The following B3GALT1 variants were observed in gnomAD, a reference collection of about 807,000 sequenced individuals.
The protein encoded by B3GALT1 is UDP-Gal:betaGlcNAc beta 1,3-galactosyltransferase, polypeptide 1.
A neutral mutation model predicts 23.2 loss-of-function variants in B3GALT1; 10 were observed. The observed-to-expected ratio is 0.43, with a 90% CI of 0.27 to 0.73. The LOEUF is 0.73. Ranked by LOEUF, B3GALT1 falls within the 30% of genes least tolerant of loss-of-function variation. The pLI is 0.21. For missense variants in B3GALT1, 299 were observed against 405.4 expected, an observed-to-expected ratio of 0.74 and a Z score of 2.25; for synonymous variants, 156 against 141.5, an observed-to-expected ratio of 1.10 and a Z score of -0.73.
chr2:167,344,056 T>C (rs772193030), intron 1 of B3GALT1, among the ~76,000 whole-genome samples: 2 of 152,156 alleles, frequency 1.3e-5, no homozygotes, highest in Admixed American at 6.5e-5. Context: ...CTTATTTCCA[T>C]CTCTTTCTTT....
intron 1 of B3GALT1, among the ~76,000 whole-genome samples, chr2:167,484,798 G>A (rs937490184): frequency 1.3e-5 from 2 of 152,074 alleles, no homozygotes; most frequent in Non-Finnish European, 2.9e-5. Context: ...AAGGGAAGGG[G>A]ATTCTCTACA....
At chr2:167,600,092 C>T (rs1684848715) in intron 2 of B3GALT1, among the ~76,000 whole-genome samples, 1 of 152,078 alleles carries the variant, frequency 6.6e-6, no homozygotes, top group African/African-American at 2.4e-5. Context: ...CTGATGGAGA[C>T]AGCCCATTCA....
intron 1 of B3GALT1, among the ~76,000 whole-genome samples, chr2:167,413,127 G>A (rs114707426): frequency 0.02 from 3,103 of 152,106 alleles, 53 homozygotes; most frequent in South Asian, 0.073. Context: ...CTTTGTGAAC[G>A]TTAATTGGGT....
At chr2:167,379,210 A>G (rs1291784072) in intron 1 of B3GALT1, among the ~76,000 whole-genome samples, 2 of 152,112 alleles carry the variant, frequency 1.3e-5, no homozygotes, top group Non-Finnish European at 2.9e-5. Flanking sequence ...CTAAACACCT[A>G]TAAAACCATC....
intron 1 of B3GALT1, among the ~76,000 whole-genome samples, chr2:167,319,461 C>T (rs1696770957): frequency 6.6e-6 from 1 of 151,968 alleles, no homozygotes; most frequent in Non-Finnish European, 1.5e-5. Context: ...AATACCTATG[C>T]AAACACAGAA....
At chr2:167,507,504 CAAAAAAAAAAAAAA>C (rs60408245) in intron 2 of B3GALT1, among the ~76,000 whole-genome samples, 1 of 26,636 alleles carries the variant, frequency 3.8e-5, no homozygotes, top group African/African-American at 8.4e-5. Flanking sequence ...GACTCCGTCT[CAAAAAAAAAAAAAA>C]AAAAAAAAAA....
chr2:167,713,915 G>A (rs1687102444), intron 3 of B3GALT1: 3 of 1,578,886 alleles, frequency 1.9e-6, no homozygotes, highest in East Asian at 4.5e-5. Context: ...TTGGGGGAAA[G>A]GAGGTCCTCT....
chr2:167,371,608 G>A (rs1044125726), intron 1 of B3GALT1, among the ~76,000 whole-genome samples: 1 of 152,000 alleles, frequency 6.6e-6, no homozygotes, highest in African/African-American at 2.4e-5. Context: ...AATGTAACTT[G>A]GGATGAATAA....
chr2:167,542,390 AT>A (rs1241558474), intron 2 of B3GALT1, among the ~76,000 whole-genome samples: 1 of 152,172 alleles, frequency 6.6e-6, no homozygotes. Context: ...GTTTTGCTAC[AT>A]GCTTATTCTG....
chr2:167,563,408 G>A (rs1684061382), intron 2 of B3GALT1, among the ~76,000 whole-genome samples: 1 of 131,418 alleles, frequency 7.6e-6, no homozygotes, highest in Non-Finnish European at 1.6e-5. Flanking sequence ...CCGGGCGGGG[G>A]GCTGACCCCT....
chr2:167,869,248 C>A lies in B3GALT1; in HGVS notation c.209C>A (p.Pro70His). Reference sequence around the variant, plus strand: ...TCTTTTGAATTTCTTATCAACGAGCCCAATAAATGTGAGAAAAACATTCCT... The same window carrying A: ...TCTTTTGAATTTCTTATCAACGAGCACAATAAATGTGAGAAAAACATTCCT... Reference protein sequence around the residue: ...PHSFEFLINEPNKCEKNIPFL... With the variant: ...PHSFEFLINEHNKCEKNIPFL... The change falls in exon 5 of 5, where the codon CCC (proline) becomes CAC (histidine). Residue 70 changes from proline (P) to histidine (H), a missense_variant. Coordinates refer to ENST00000392690, the MANE Select transcript of B3GALT1 (RefSeq NM_020981.4). The surrounding 1 kb of genome is among the most constrained non-coding windows in gnomAD (Gnocchi z 6.4). 3 of 1,614,112 alleles carry A rather than the reference C, an allele frequency of 1.9e-6. No individual in the cohort carries two copies. The highest frequency in any genetic ancestry group is 2.5e-6 in the Non-Finnish European group (3 of 1,180,016).
At chr2:167,395,318 T>G (rs1698077939) in intron 1 of B3GALT1, among the ~76,000 whole-genome samples, 1 of 152,024 alleles carries the variant, frequency 6.6e-6, no homozygotes, top group African/African-American at 2.4e-5. Context: ...TACCCTGGAT[T>G]GTCTGGGTGG....
At chr2:167,621,870 C>T (rs932102940) in intron 2 of B3GALT1, among the ~76,000 whole-genome samples, 9 of 152,008 alleles carry the variant, frequency 5.9e-5, no homozygotes, top group African/African-American at 2.2e-4. Flanking sequence ...TGTTTGCTTC[C>T]CCTTCCCTTT....
intron 4 of B3GALT1, among the ~76,000 whole-genome samples, chr2:167,850,132 C>T (rs1204331244): frequency 6.6e-6 from 1 of 152,174 alleles, no homozygotes; most frequent in Admixed American, 6.5e-5. Context: ...AGAAAATCTT[C>T]ACAATCTGTA....
intron 1 of B3GALT1, among the ~76,000 whole-genome samples, chr2:167,417,179 A>G (rs138197897): frequency 2.8e-3 from 432 of 152,290 alleles, no homozygotes; most frequent in African/African-American, 9.9e-3. Flanking sequence ...GGCAGTATTG[A>G]GAGGTGGGGC....
chr2:167,507,275 G>A (rs1184040208), intron 2 of B3GALT1, among the ~76,000 whole-genome samples: 2 of 151,888 alleles, frequency 1.3e-5, no homozygotes, highest in Admixed American at 6.6e-5. Context: ...GGGAGGCCGA[G>A]GCAGGTGGAT....
intron 1 of B3GALT1, among the ~76,000 whole-genome samples, chr2:167,323,773 A>G (rs968719652): frequency 1.3e-5 from 2 of 150,798 alleles, no homozygotes; most frequent in South Asian, 2.1e-4. Flanking sequence ...TATTTATCCT[A>G]TTGAATTTTG....
intron 3 of B3GALT1, among the ~76,000 whole-genome samples, chr2:167,669,408 G>A (rs1300462427): frequency 1.3e-5 from 2 of 152,046 alleles, no homozygotes; most frequent in South Asian, 4.1e-4. Context: ...AATATGGTCT[G>A]GTTTTTTTCT....
chr2:167,863,981 CATGT>C (rs1376763183), intron 4 of B3GALT1, among the ~76,000 whole-genome samples: 17 of 131,032 alleles, frequency 1.3e-4, no homozygotes, highest in African/African-American at 3.1e-4. Context: ...TGTGTGCATG[CATGT>C]ATGTATGTGT....
Sources: allele counts gnomAD v4.1 joint callset (sites outside exome capture counted in the v4.1 genomes callset), GRCh38; gene constraint gnomAD v4.1.1; non-coding constraint Gnocchi (gnomAD v3.1); transcripts MANE v1.5; gene names NCBI Gene and HGNC (gene_info 2026-07-23, HGNC 2026-07-21).